The following ZNF106 variants were observed in gnomAD, a reference collection of about 807,000 sequenced individuals.
ZNF106 encodes zinc finger protein 106, also known as SH3-domain binding protein 3.
A neutral mutation model predicts 195.1 loss-of-function variants in ZNF106; 67 were observed. The observed-to-expected ratio is 0.34, with a 90% CI of 0.28 to 0.42. The LOEUF (loss-of-function observed/expected upper bound fraction) is 0.42, where lower values mean the gene tolerates loss of function less well. Among genes scored for constraint, ZNF106 ranks in the 10% least tolerant of loss-of-function variants. The pLI is 1.00. For missense variants in ZNF106, 2,118 were observed against 2,304.5 expected, an observed-to-expected ratio of 0.92 and a Z score of 1.66; for synonymous variants, 784 against 818.6, an observed-to-expected ratio of 0.96 and a Z score of 0.72.
At chr15:42,424,526 C>A (rs1595435045) in intron 16 of ZNF106, 2 of 319,892 alleles carry the variant, frequency 6.3e-6, no homozygotes, top group East Asian at 1.2e-4. Context: ...CACTCTGTTG[C>A]CCATGCTAGA....
chr15:42,420,991 A>G, intron 20 of ZNF106, 70 bp downstream of exon 20: 1 of 1,304,428 alleles, frequency 7.7e-7, no homozygotes, highest in Non-Finnish European at 1.1e-6. Flanking sequence ...ATGATAATGA[A>G]GATCTATCAA....
intron 4 of ZNF106, among the ~76,000 whole-genome samples, chr15:42,455,998 A>G (rs2056213862): frequency 6.6e-6 from 1 of 152,232 alleles, no homozygotes. Context: ...ACCTGAATGT[A>G]TAAATGTAGG....
intron 18 of ZNF106, 118 bp from the exon 19 acceptor site, chr15:42,422,106 C>G: frequency 1.4e-6 from 1 of 707,446 alleles, no homozygotes; most frequent in Non-Finnish European, 2.2e-6. Context: ...GTGGAAGCAC[C>G]AGTAGCATTC....
chr15:42,427,328 A>T (rs1216746365), intron 15 of ZNF106, among the ~76,000 whole-genome samples: 6 of 152,218 alleles, frequency 3.9e-5, no homozygotes, highest in Non-Finnish European at 8.8e-5. Context: ...TGTAAGATGA[A>T]GTCCAACTAC....
intron 18 of ZNF106, 120 bp downstream of exon 18, chr15:42,422,381 T>C: frequency 7.7e-7 from 1 of 1,307,064 alleles, no homozygotes; most frequent in Non-Finnish European, 1.0e-6. Flanking sequence ...TTATCTAGAA[T>C]GCTTGTGAAA....
chr15:42,437,318 G>C lies in ZNF106; in HGVS notation c.4660C>G (p.Gln1554Glu), dbSNP rs1164965662. The change falls in exon 13 of 22, where the codon CAA becomes GAA. Residue 1554 changes from glutamine (Q) to glutamate (E), a missense_variant. By Grantham distance (29) the Gln-to-Glu change is conservative. Transcript: ENST00000564754. ...ATCTGAATTGCATTTACGGCAGCTT[G>C]GTGTCCCTCAAAGCTTCCTTCTGTG... Reference protein sequence around the residue: ...EPTEGSFEGHQAAVNAIQIFG... With the variant: ...EPTEGSFEGHEAAVNAIQIFG... The C allele has an allele frequency of 1.9e-6, 3 of 1,614,072 alleles. No individual in the cohort carries two copies. Among genetic ancestry groups the C allele is most frequent in the Non-Finnish European group, 2.5e-6 (3 of 1,179,966 alleles).
chr15:42,470,166 A>G (rs2056633087), intron 2 of ZNF106, among the ~76,000 whole-genome samples: 1 of 152,162 alleles, frequency 6.6e-6, no homozygotes, highest in South Asian at 2.1e-4. Flanking sequence ...ATACACATAT[A>G]TTTAACTCCA....
At chr15:42,482,251 T>C (rs2056914005) in intron 1 of ZNF106, among the ~76,000 whole-genome samples, 1 of 152,188 alleles carries the variant, frequency 6.6e-6, no homozygotes, top group African/African-American at 2.4e-5. Context: ...TTTAAAATCA[T>C]TTCCTGCTAA....
chr15:42,421,068 C>T lies in ZNF106; in HGVS notation c.5510G>A (p.Arg1837His), dbSNP rs770671642. The change falls in exon 20 of 22, where the codon CGC (arginine) becomes CAC (histidine). Residue 1837 changes from arginine to histidine, a missense_variant. Arg to His is a conservative substitution (Grantham distance 29). Coordinates refer to ENST00000564754, the MANE Select transcript of ZNF106 (RefSeq NM_001366845.3). ...AVRLNLMQNY[R>H]CWWHGCSLIF... The stretch of plus-strand genomic sequence containing the variant: ...AAGAGTTTCACTCCTTACCCAACAG[C>T]GGTAATTCTGCATCAGATTAAGCCT... The T allele has an allele frequency of 5.6e-6, 9 of 1,614,048 alleles. 1 individual carries two copies. The highest frequency in any genetic ancestry group is 3.3e-4 in the Middle Eastern group (2 of 6,062).
At chr15:42,475,550 T>C (rs969276575) in intron 1 of ZNF106, among the ~76,000 whole-genome samples, 31 of 152,194 alleles carry the variant, frequency 2.0e-4, no homozygotes, top group Non-Finnish European at 3.7e-4. Context: ...AACAAAGAAA[T>C]ATACCTTTGT....
intron 1 of ZNF106, among the ~76,000 whole-genome samples, chr15:42,481,369 T>A (rs1245745676): frequency 2.0e-5 from 3 of 146,710 alleles, no homozygotes; most frequent in African/African-American, 7.6e-5. Flanking sequence ...TTTTTTTTTT[T>A]TTTTTTGAGA....
At chr15:42,424,258 G>A in intron 16 of ZNF106, 198 bp from the exon 17 acceptor site, 1 of 537,046 alleles carries the variant, frequency 1.9e-6, no homozygotes, top group Non-Finnish European at 3.3e-6. Flanking sequence ...AACTGACAAT[G>A]TATTATTACG....
intron 15 of ZNF106, among the ~76,000 whole-genome samples, chr15:42,427,245 C>A (rs371588682): frequency 1.3e-5 from 2 of 152,228 alleles, no homozygotes; most frequent in South Asian, 2.1e-4. Flanking sequence ...TAATACCAAT[C>A]TTTCCCAATC....
At chr15:42,449,454 C>T (rs962568521) in intron 5 of ZNF106, among the ~76,000 whole-genome samples, 2 of 152,186 alleles carry the variant, frequency 1.3e-5, no homozygotes, top group African/African-American at 4.8e-5. Flanking sequence ...TATAGCTCTA[C>T]ATTTTTATGC....
chr15:42,457,577 C>T, intron 3 of ZNF106: 2 of 1,001,846 alleles, frequency 2.0e-6, no homozygotes, highest in Non-Finnish European at 2.4e-6. Flanking sequence ...TAGTCTAGAG[C>T]TTTCTTCCAG....
chr15:42,441,167 T>C (rs2055520755), intron 10 of ZNF106, among the ~76,000 whole-genome samples: 1 of 127,104 alleles, frequency 7.9e-6, no homozygotes, highest in Non-Finnish European at 1.7e-5. Context: ...AATCCCCATC[T>C]CTACTTAAAA....
intron 1 of ZNF106, among the ~76,000 whole-genome samples, chr15:42,485,549 G>A (rs2056994056): frequency 6.6e-6 from 1 of 152,098 alleles, no homozygotes; most frequent in Non-Finnish European, 1.5e-5. Context: ...TGAACAGGGT[G>A]TCTAAACAGT....
intron 1 of ZNF106, among the ~76,000 whole-genome samples, chr15:42,476,309 A>T (rs1011052523): frequency 6.6e-6 from 1 of 152,196 alleles, no homozygotes; most frequent in African/African-American, 2.4e-5. Context: ...AAATACTGTA[A>T]TTAGCCCAGT....
intron 14 of ZNF106, among the ~76,000 whole-genome samples, chr15:42,428,813 G>C (rs1168205643): frequency 2.0e-5 from 3 of 152,026 alleles, no homozygotes; most frequent in African/African-American, 7.3e-5. Flanking sequence ...GCCCAGGCTG[G>C]AGTGCAGTGG....
Sources: gnomAD v4.1 joint callset for allele counts (sites outside exome capture counted in the v4.1 genomes callset) on GRCh38, gnomAD v4.1.1 for gene constraint, MANE v1.5 for transcripts, NCBI Gene and HGNC (gene_info 2026-07-23, HGNC 2026-07-21) for gene names.